RAB17: variants seen among roughly 807,000 people sequenced by gnomAD.
RAB17 encodes ras-related protein Rab-17.
In RAB17, 15 loss-of-function variants were observed where a neutral mutation model predicts 19.3. That is an observed-to-expected ratio of 0.78 (90% CI 0.52 to 1.20). The LOEUF (loss-of-function observed/expected upper bound fraction) is 1.20, where lower values mean the gene tolerates loss of function less well. RAB17 is among the 50% of genes most tolerant of loss of function. RAB17 has a pLI of 0.00. For synonymous variants in RAB17, 110 were observed against 112.8 expected (o/e 0.97, Z 0.16); for missense variants, 262 against 269.3 (o/e 0.97, Z 0.19).
chr2:237,574,375 A>G lies in RAB17; in HGVS notation c.*644T>C. ...GAGGAAAAACTGCATACGCAGTACA[A>G]CTTATATCTCAGGCGAAATGTCTCA... On this transcript the variant is annotated 3_prime_UTR_variant, in exon 6 of 6. Coordinates refer to ENST00000264601, the MANE Select transcript of RAB17 (RefSeq NM_022449.4). 1 of 1,515,634 alleles carries G rather than the reference A, an allele frequency of 6.6e-7. No individual in the cohort carries two copies. Among genetic ancestry groups the G allele is most frequent in the Non-Finnish European group, 8.8e-7 (1 of 1,129,948 alleles). 93.9% of individuals were successfully genotyped at this position (1,515,634 alleles called of 1,614,324 possible). A position where few individuals can be genotyped will look rare whatever the true frequency, so the allele number is the denominator to read the frequency against.
chr2:237,582,573 G>A (rs768924490), intron 2 of RAB17, among the ~76,000 whole-genome samples: 6 of 152,184 alleles, frequency 3.9e-5, no homozygotes, highest in Admixed American at 6.5e-5. Context: ...TTTCCAGGCC[G>A]CCTGTGAGGA....
Position 237,578,135 on chromosome 2 carries a change from C to T in RAB17, c.178G>A (p.Val60Met), listed in dbSNP as rs746688375. The change falls in exon 3 of 6, where the codon GTG (valine) becomes ATG (methionine). Residue 60 changes from valine (V) to methionine (M), a missense_variant. Transcript: ENST00000264601. Reference protein sequence around the residue: ...TVGCAFFTKVVDVGATSLKLE... With the variant: ...TVGCAFFTKVMDVGATSLKLE... ...TTCAGAGAGGTGGCACCCACATCCA[C>T]CACCTTTGTGAAGAACGCACCTGAA... 1 of 1,612,848 alleles carries T rather than the reference C, an allele frequency of 6.2e-7. No individual in the cohort carries two copies. The highest frequency in any genetic ancestry group is 8.5e-7 in the Non-Finnish European group (1 of 1,178,972).
intron 4 of RAB17, among the ~76,000 whole-genome samples, chr2:237,576,193 C>T (rs1273792693): frequency 6.6e-6 from 1 of 152,096 alleles, no homozygotes; most frequent in Non-Finnish European, 1.5e-5. Flanking sequence ...AGCTCTCGCA[C>T]CATCCACCAT....
At chr2:237,575,844 C>G (rs372630476) in intron 4 of RAB17, 1 of 240,288 alleles carries the variant, frequency 4.2e-6, no homozygotes, top group African/African-American at 2.2e-5. Context: ...CAGAGGGAGG[C>G]CCCTGGACGG....
At position 237,586,450 on chromosome 2, in the gene RAB17, C is replaced by T. The variant is rs1040966059; in HGVS notation, c.-3-293G>A. ...CCTGAAAAGCAATGATTACATGTGA[C>T]GGTCTCAGGGCTTGTTGTCCTCCTT... On this transcript the variant is annotated intron_variant, in intron 1 of 5. Transcript: ENST00000264601. 4.6e-5 allele frequency among the ~76,000 whole-genome samples: 7 copies of T among 152,280 alleles called. No homozygotes were observed. In the South Asian group the frequency reaches 6.2e-4, roughly 14 times the overall value.
intron 3 of RAB17, 40 bp downstream of exon 3, chr2:237,577,964 T>C (rs772916411): frequency 2.6e-6 from 4 of 1,563,298 alleles, no homozygotes; most frequent in Admixed American, 1.8e-5. Context: ...AGGCAGGTGC[T>C]TGGGAAGGAG....
chr2:237,588,031 C>T (rs1480260442), intron 1 of RAB17, among the ~76,000 whole-genome samples: 1 of 152,122 alleles, frequency 6.6e-6, no homozygotes, highest in East Asian at 1.9e-4. Context: ...CATAACACAG[C>T]ACCTGTGCTT....
chr2:237,576,639 G>A, intron 4 of RAB17: 1 of 471,300 alleles, frequency 2.1e-6, no homozygotes, highest in Non-Finnish European at 4.4e-6. Flanking sequence ...TCTAGTGTGT[G>A]TGGGGTCTCC....
intron 1 of RAB17, among the ~76,000 whole-genome samples, 178 bp from the exon 2 acceptor site, chr2:237,586,335 CA>C (rs2081350606): frequency 1.3e-5 from 2 of 152,190 alleles, no homozygotes; most frequent in South Asian, 4.1e-4. Flanking sequence ...CCCATCTCCC[CA>C]TCTGCAATTT....
At chr2:237,589,893 A>G (rs1338573193) in intron 1 of RAB17, among the ~76,000 whole-genome samples, 1 of 152,168 alleles carries the variant, frequency 6.6e-6, no homozygotes, top group Non-Finnish European at 1.5e-5. Flanking sequence ...CATTCCAGGG[A>G]AGGGTCTGAT....
At chr2:237,583,981 A>C (rs2081328525) in intron 2 of RAB17, among the ~76,000 whole-genome samples, 1 of 137,968 alleles carries the variant, frequency 7.2e-6, no homozygotes. Context: ...AGCTTTGTTC[A>C]CCCCCCGACC....
chr2:237,575,048 C>G lies in RAB17; in HGVS notation c.610G>C (p.Ala204Pro). The change falls in exon 6 of 6, where the codon GCG becomes CCG. Residue 204 changes from alanine (A) to proline (P), a missense_variant. Transcript: ENST00000264601. ...TGGGCGCAGCATTTGGCCTGCCTCGCGGGCCCCTTGTTCAGAGCCACAGCT... is the reference window on the plus strand; with the variant it reads ...TGGGCGCAGCATTTGGCCTGCCTCGGGGGCCCCTTGTTCAGAGCCACAGCT... ...DAAVALNKGP[A>P]RQAKCCAH is the part of the protein sequence containing the mutation. The G allele has an allele frequency of 1.2e-6, 2 of 1,613,352 alleles. No homozygotes were observed. The highest frequency in any genetic ancestry group is 1.7e-6 in the Non-Finnish European group (2 of 1,179,690).
rs1192961286 is a variant in RAB17 at position 237,578,105 on chromosome 2, C to T, written c.208G>A (p.Glu70Lys). Residue 70 changes from glutamate (E) to lysine (K), a missense_variant, in exon 3 of 6, where the codon GAG (glutamate) becomes AAG (lysine). Physicochemically the swap from Glu to Lys is moderately conservative, Grantham distance 56 (BLOSUM62 1). Coordinates refer to ENST00000264601, the MANE Select transcript of RAB17 (RefSeq NM_022449.4). The stretch of plus-strand genomic sequence containing the variant: ...TCCTGGCCAGCTGTGTCCCAGATCT[C>T]AAGCTTCAGAGAGGTGGCACCCACA... The part of the protein sequence containing the change: ...VDVGATSLKL[E>K]IWDTAGQEKY... The T allele has an allele frequency of 6.2e-7, 1 of 1,613,742 alleles. No homozygotes were observed. Among genetic ancestry groups the T allele is most frequent in the Non-Finnish European group, 8.5e-7 (1 of 1,179,736 alleles).
At chr2:237,585,518 C>T (rs13414922) in intron 2 of RAB17, 36,842 of 165,832 alleles carry the variant, frequency 0.22, 5,397 homozygotes, top group African/African-American at 0.43. Flanking sequence ...TTCCCACCCC[C>T]AATCCAGGCC....
At chr2:237,582,281 C>G (rs1415056066) in intron 2 of RAB17, among the ~76,000 whole-genome samples, 1 of 152,224 alleles carries the variant, frequency 6.6e-6, no homozygotes, top group East Asian at 1.9e-4. Context: ...GTGGGCCCCA[C>G]CCCACACACC....
chr2:237,585,926 G>A (rs769140539), intron 2 of RAB17, 72 bp downstream of exon 2: 189 of 1,465,952 alleles, frequency 1.3e-4, no homozygotes, highest in Non-Finnish European at 4.9e-5. Flanking sequence ...GTCCCCATCT[G>A]CCCCAGGTGT....
intron 1 of RAB17, among the ~76,000 whole-genome samples, chr2:237,587,540 G>A (rs1574938484): frequency 6.6e-6 from 1 of 152,196 alleles, no homozygotes; most frequent in South Asian, 2.1e-4. Flanking sequence ...AGGGATAAGA[G>A]GGGAGGGAAT....
chr2:237,574,329 T>G lies in RAB17; in HGVS notation c.*690A>C. ...TCAAAAACTTCTAAAAGCCAGATTG[T>G]CAAAAGCAATTTAATTTTTGGAGGA... is the stretch of plus-strand genomic sequence containing the variant. On this transcript the variant is annotated 3_prime_UTR_variant, in exon 6 of 6. Coordinates refer to ENST00000264601, the MANE Select transcript of RAB17 (RefSeq NM_022449.4). 1 of 1,435,890 alleles carries G rather than the reference T, an allele frequency of 7.0e-7. No individual in the cohort carries two copies. The highest frequency in any genetic ancestry group is 2.6e-5 in the East Asian group (1 of 38,814). The allele number at this position is 1,435,890 out of a possible 1,614,324, so 88.9% of individuals were successfully genotyped here.
intron 4 of RAB17, 173 bp from the exon 5 acceptor site, chr2:237,575,653 G>A (rs1434836487): frequency 8.5e-6 from 5 of 587,132 alleles, no homozygotes; most frequent in Non-Finnish European, 1.5e-5. Context: ...GGACCAGGGA[G>A]GGGCGGGGTG....
Sources: allele counts gnomAD v4.1 joint callset (sites outside exome capture counted in the v4.1 genomes callset), GRCh38; gene constraint gnomAD v4.1.1; transcripts MANE v1.5; gene names NCBI Gene and HGNC (gene_info 2026-07-23, HGNC 2026-07-21).